NAIP: variants seen among roughly 807,000 people sequenced by gnomAD.
The protein encoded by NAIP is NLR family apoptosis inhibitory protein.
Under a neutral mutation model 23.0 loss-of-function variants are expected in NAIP, and 15 were observed. The observed-to-expected ratio is 0.65, with a 90% confidence interval of 0.44 to 1.00. The LOEUF is 1.00. Ranked by LOEUF, NAIP falls within the 50% of genes least tolerant of loss-of-function variation. The pLI, the probability that NAIP is intolerant of heterozygous loss-of-function variation, is 0.00. For synonymous variants in NAIP, 100 were observed against 100.2 expected (o/e 1.00, Z 0.01); for missense variants, 265 against 278.8 (o/e 0.95, Z 0.35).
chr5:71,002,575 ATTTT>A (rs762774660), intron 6 of NAIP, among the ~76,000 whole-genome samples: 1 of 114,064 alleles, frequency 8.8e-6, no homozygotes, highest in South Asian at 3.0e-4. Context: ...TGCCGGGCTA[ATTTT>A]TTTTTTTTTT....
intron 5 of NAIP, among the ~76,000 whole-genome samples, chr5:71,010,542 C>T (rs563381358): frequency 6.6e-6 from 1 of 151,608 alleles, no homozygotes; most frequent in South Asian, 2.1e-4. Flanking sequence ...GCTGGGATTA[C>T]AGGTGTGAGC....
At chr5:71,015,501 C>G (rs1451929342) in intron 3 of NAIP, among the ~76,000 whole-genome samples, 5 of 123,370 alleles carry the variant, frequency 4.1e-5, no homozygotes, top group Non-Finnish European at 6.9e-5. Flanking sequence ...TGGCTCATGC[C>G]TGTAATCTCA....
Position 71,012,346 on chromosome 5 carries a change from A to C in NAIP, c.568+2T>G. ...ACACTTCAGAGAATAATTTCAAGGT[A>C]CCTGTAAAGACAAAGCCAGCCTCTG... On this transcript the variant is annotated splice_donor_variant, in intron 4 of 16. Coordinates refer to ENST00000517649, the MANE Select transcript of NAIP (RefSeq NM_004536.3). LOFTEE classifies it high-confidence loss of function. 6.3e-7 allele frequency: 1 copy of C among 1,589,114 alleles called. No homozygotes were observed. The highest frequency in any genetic ancestry group is 1.4e-5 in the African/African-American group (1 of 73,990).
Position 71,012,179 on chromosome 5 carries a change from A to G in NAIP, c.568+169T>C, listed in dbSNP as rs1214638158. Reference sequence around the variant, plus strand: ...CACAGGCTGTACTAAATAGAAAATGAAGCAAAAATAAAAATATTGATGTTG... The same window carrying G: ...CACAGGCTGTACTAAATAGAAAATGGAGCAAAAATAAAAATATTGATGTTG... On this transcript the variant is annotated intron_variant, in intron 4 of 16. Transcript: ENST00000517649. Among the ~76,000 whole-genome samples the G allele has an allele frequency of 2.6e-5, 4 of 151,718 alleles. 1 individual carries two copies. The highest frequency in any genetic ancestry group is 9.7e-5 in the African/African-American group (4 of 41,308).
chr5:71,007,964 G>A (rs1336225205), intron 5 of NAIP, among the ~76,000 whole-genome samples: 4 of 136,910 alleles, frequency 2.9e-5, no homozygotes, highest in Non-Finnish European at 6.4e-5. Context: ...AGAGGGGAGA[G>A]GAGAGTTCAT....
chr5:71,008,031 T>C (rs1214201738), intron 5 of NAIP, among the ~76,000 whole-genome samples: 2 of 129,600 alleles, frequency 1.5e-5, no homozygotes, highest in East Asian at 4.7e-4. Flanking sequence ...CCCAAAGTGC[T>C]GGGATCACAG....
intron 5 of NAIP, among the ~76,000 whole-genome samples, chr5:71,008,095 A>T (rs1359807165): frequency 1.9e-5 from 2 of 103,256 alleles, no homozygotes; most frequent in Admixed American, 1.3e-4. Flanking sequence ...TTTGAGATGG[A>T]GTCTCGCTGT....
intron 5 of NAIP, among the ~76,000 whole-genome samples, chr5:71,011,054 A>G (rs987519951): frequency 6.6e-6 from 1 of 150,862 alleles, no homozygotes; most frequent in Non-Finnish European, 1.5e-5. Context: ...GCAACATGGC[A>G]AAACCCCATC....
At chr5:71,014,118 T>TA (rs1554085130) in intron 3 of NAIP, among the ~76,000 whole-genome samples, 1 of 149,514 alleles carries the variant, frequency 6.7e-6, no homozygotes, top group Non-Finnish European at 1.5e-5. Context: ...TTTTTTTTTT[T>TA]AGACAGTCTC....
At position 71,012,836 on chromosome 5, in the gene NAIP, A is replaced by G. The variant is rs887413535; in HGVS notation, c.80T>C (p.Leu27Pro). The G allele has an allele frequency of 1.2e-6, 2 of 1,611,616 alleles. No individual in the cohort carries two copies. Among genetic ancestry groups the G allele is most frequent in the African/African-American group, 2.7e-5 (2 of 74,750 alleles). Residue 27 changes from leucine to proline, a missense_variant, in exon 4 of 17, where the codon CTG becomes CCG. This residue lies in a region of NAIP where 261 missense variants were observed against 259.2 expected (regional missense o/e 1.01). Transcript: ENST00000517649. Reference protein sequence around the residue: ...HNLLPELSALLGLDAVQLAKE... With the variant: ...HNLLPELSALPGLDAVQLAKE... ...TGCCAACTGAACTGCATCTAGGCCC[A>G]GAAGAGCAGACAGCTCTGGCAGCAA...
chr5:71,014,940 A>G (rs1190840671), intron 3 of NAIP, among the ~76,000 whole-genome samples: 1 of 151,656 alleles, frequency 6.6e-6, no homozygotes, highest in Non-Finnish European at 1.5e-5. Context: ...TTCCAGTGCA[A>G]TCAAATCTAA....
chr5:71,011,431 A>AC (rs1751153364), intron 4 of NAIP, 57 bp from the exon 5 acceptor site: 1 of 1,363,330 alleles, frequency 7.3e-7, no homozygotes, highest in African/African-American at 1.4e-5. Flanking sequence ...GGGTATGTAC[A>AC]CAGAGTTGAT....
In NAIP at chr5:71,009,070, C is replaced by T. The variant is rs1195252897; in HGVS notation, c.668+2205G>A. Among the ~76,000 whole-genome samples, 148 of 146,704 alleles carry T rather than the reference C, an allele frequency of 1.0e-3. 1 individual carries two copies. The highest frequency in any genetic ancestry group is 3.1e-3 in the African/African-American group (120 of 38,350). On this transcript the variant is annotated intron_variant, in intron 5 of 16. Transcript: ENST00000517649. ...TCTTAAGGGGCTGAGCACAGTGGCT[C>T]ATGCCTGTAATCCCAGCACTTTGGG...
chr5:71,015,260 T>C (rs1167857084), intron 3 of NAIP, among the ~76,000 whole-genome samples: 2 of 151,198 alleles, frequency 1.3e-5, no homozygotes, highest in African/African-American at 4.9e-5. Context: ...ATGCCTGTAG[T>C]CCCAGCTACT....
Position 71,009,059 on chromosome 5 carries a change from G to A in NAIP, c.668+2216C>T, listed in dbSNP as rs553665890. 3.2e-3 allele frequency among the ~76,000 whole-genome samples: 472 copies of A among 148,826 alleles called. 15 individuals are homozygous for A. The highest frequency in any genetic ancestry group is 0.01 in the Middle Eastern group (3 of 292). On this transcript the variant is annotated intron_variant, in intron 5 of 16. Coordinates refer to ENST00000517649, the MANE Select transcript of NAIP (RefSeq NM_004536.3). The stretch of plus-strand genomic sequence containing the variant: ...CGAATTAAAAATCTTAAGGGGCTGA[G>A]CACAGTGGCTCATGCCTGTAATCCC...
chr5:71,013,002 G>T, intron 3 of NAIP, 84 bp from the exon 4 acceptor site: 1 of 1,144,488 alleles, frequency 8.7e-7, no homozygotes, highest in Non-Finnish European at 1.2e-6. Flanking sequence ...GAAGAAACCA[G>T]GAATTAAAGG....
intron 4 of NAIP, 74 bp from the exon 5 acceptor site, chr5:71,011,448 G>T (rs2112923769): frequency 2.4e-6 from 3 of 1,242,026 alleles, no homozygotes; most frequent in Non-Finnish European, 3.5e-6. Flanking sequence ...TGATTGTTTT[G>T]TTCAGGAGCA....
chr5:71,016,492 T>G (rs1444172121), intron 3 of NAIP, among the ~76,000 whole-genome samples: 2 of 151,836 alleles, frequency 1.3e-5, no homozygotes, highest in African/African-American at 2.4e-5. Context: ...TCTATAGATT[T>G]GCCTACTGGG....
chr5:70,977,707 A>C (rs1320806267), intron 13 of NAIP, among the ~76,000 whole-genome samples: 1 of 147,260 alleles, frequency 6.8e-6, no homozygotes, highest in Non-Finnish European at 1.5e-5. Flanking sequence ...CTATACAAAG[A>C]AACAGCTGGG....
Sources: gnomAD v4.1 joint callset for allele counts (sites outside exome capture counted in the v4.1 genomes callset) on GRCh38, gnomAD v4.1.1 for gene constraint, gnomAD v4.1.1 regional missense constraint, MANE v1.5 for transcripts, NCBI Gene and HGNC (gene_info 2026-07-23, HGNC 2026-07-21) for gene names.